PLAA: variants seen among roughly 807,000 people sequenced by gnomAD.
PLAA encodes phospholipase A2 activating protein, also known as phospholipase A-2-activating protein.
In PLAA, 48 loss-of-function variants were observed where a neutral mutation model predicts 84.1. That is an observed-to-expected ratio of 0.57 (90% CI 0.45 to 0.73). PLAA has a LOEUF of 0.73. Ranked by LOEUF, PLAA falls within the 30% of genes least tolerant of loss-of-function variation. The probability of loss-of-function intolerance (pLI) is 0.00; values close to 1 mark genes in which losing one functional copy is unlikely to be tolerated. For synonymous variants in PLAA, 392 were observed against 336.6 expected, an observed-to-expected ratio of 1.16 and a Z score of -1.80; for missense variants, 903 against 954.7, an observed-to-expected ratio of 0.95 and a Z score of 0.71.
rs1188965225 is a variant in PLAA, at chr9:26,905,898, A to G, written c.2001T>C (p.Phe667=). The G allele has an allele frequency of 6.2e-7, 1 of 1,614,096 alleles. No homozygotes were observed. The highest frequency in any genetic ancestry group is 8.5e-7 in the Non-Finnish European group (1 of 1,180,054). The stretch of plus-strand genomic sequence containing the variant: ...TGAGTTTTTGTCCTGCCTGGCCAAC[A>G]AAACAATTGCAAAAAGTCCTGAGAG... The part of the protein sequence containing the change: ...LLALRTFCNC[F]VGQAGQKLMM... Residue 667 remains phenylalanine, a synonymous_variant, in exon 14 of 14, where the codon TTT becomes TTC. Coordinates refer to ENST00000397292, the MANE Select transcript of PLAA (RefSeq NM_001031689.3).
intron 1 of PLAA, among the ~76,000 whole-genome samples, chr9:26,935,860 T>C (rs1825342366): frequency 6.6e-6 from 1 of 150,492 alleles, no homozygotes; most frequent in African/African-American, 2.4e-5. Context: ...TATTATATAA[T>C]ATATAATGTT....
Position 26,947,072 on chromosome 9 carries a change from C to A in PLAA, c.-27G>T. 2 of 1,547,818 alleles carry A rather than the reference C, an allele frequency of 1.3e-6. No homozygotes were observed. Among genetic ancestry groups the A allele is most frequent in the Non-Finnish European group, 1.7e-6 (2 of 1,147,762 alleles). ...GCCAGTGTCTGTCTGGCGCCCGGTG[C>A]CCAGGCACTGTGCGAGACCAGTCCG... On this transcript the variant is annotated 5_prime_UTR_variant, in exon 1 of 14. Coordinates refer to ENST00000397292, the MANE Select transcript of PLAA (RefSeq NM_001031689.3).
intron 10 of PLAA, 116 bp from the exon 11 acceptor site, chr9:26,914,063 TAATA>T (rs1029917203): frequency 7.2e-5 from 50 of 690,330 alleles, no homozygotes; most frequent in Admixed American, 2.2e-4. Context: ...ATTATATACA[TAATA>T]AATATGCCAC....
chr9:26,928,430 A>G, intron 2 of PLAA, 22 bp from the exon 3 acceptor site: 1 of 1,441,464 alleles, frequency 6.9e-7, no homozygotes, highest in Non-Finnish European at 9.8e-7. Context: ...ACATCATTGG[A>G]TAACACATTT....
At position 26,947,057 on chromosome 9, in the gene PLAA, G is replaced by C; in HGVS notation, c.-12C>G. On this transcript the variant is annotated 5_prime_UTR_variant, in exon 1 of 14. Transcript: ENST00000397292. ...GCGCCGCTCGTCATGGCCAGTGTCT[G>C]TCTGGCGCCCGGTGCCCAGGCACTG... is the stretch of plus-strand genomic sequence containing the variant. The C allele has an allele frequency of 6.4e-7, 1 of 1,566,756 alleles. No homozygotes were observed. The highest frequency in any genetic ancestry group is 8.6e-7 in the Non-Finnish European group (1 of 1,157,064).
In PLAA at chr9:26,905,905, T is replaced by C. The variant is rs1223597374; in HGVS notation, c.1994A>G (p.Asn665Ser). Reference sequence around the variant, plus strand: ...TTGTCCTGCCTGGCCAACAAAACAATTGCAAAAAGTCCTGAGAGCAAGCAG... The same window carrying C: ...TTGTCCTGCCTGGCCAACAAAACAACTGCAAAAAGTCCTGAGAGCAAGCAG... ...NQLLALRTFC[N>S]CFVGQAGQKL... The change falls in exon 14 of 14, where the codon AAT becomes AGT. Residue 665 changes from asparagine (N) to serine (S), a missense_variant. Coordinates refer to ENST00000397292, the MANE Select transcript of PLAA (RefSeq NM_001031689.3). 3 of 1,614,060 alleles carry C rather than the reference T, an allele frequency of 1.9e-6. No homozygotes were observed. In the African/African-American group the frequency reaches 4.0e-5, roughly 22 times the overall value.
chr9:26,916,672 A>G (rs1824572863), intron 10 of PLAA: 1 of 993,594 alleles, frequency 1.0e-6, no homozygotes. Context: ...GATAGCACTC[A>G]TGCTGTGTCT....
At chr9:26,924,406 T>C (rs1824876126) in intron 6 of PLAA, among the ~76,000 whole-genome samples, 1 of 152,140 alleles carries the variant, frequency 6.6e-6, no homozygotes, top group Admixed American at 6.5e-5. Flanking sequence ...AGTGCTGGGA[T>C]TACAAGTGTG....
At chr9:26,931,119 AGGTTTCCAAT>A (rs1279530614) in intron 2 of PLAA, among the ~76,000 whole-genome samples, 6 of 151,032 alleles carry the variant, frequency 4.0e-5, no homozygotes, top group African/African-American at 1.5e-4. Context: ...CAATTTAAAG[AGGTTTCCAAT>A]GGCCAGATAT....
At chr9:26,934,454 CT>C (rs1462422891) in intron 2 of PLAA, among the ~76,000 whole-genome samples, 2 of 140,590 alleles carry the variant, frequency 1.4e-5, no homozygotes, top group Non-Finnish European at 3.1e-5. Flanking sequence ...TATATAGCCT[CT>C]TTTATTACTG....
At chr9:26,917,591 A>ATTCATGTG in intron 9 of PLAA, among the ~76,000 whole-genome samples, 1 of 152,192 alleles carries the variant, frequency 6.6e-6, no homozygotes, top group East Asian at 1.9e-4. Context: ...AGGTTCATTA[A>ATTCATGTG]TTCATGTGTC....
chr9:26,920,051 T>C (rs1264566916), intron 8 of PLAA, among the ~76,000 whole-genome samples, 176 bp downstream of exon 8: 1 of 152,012 alleles, frequency 6.6e-6, no homozygotes, highest in Non-Finnish European at 1.5e-5. Context: ...TCTCACTACA[T>C]GGAAAGATAC....
chr9:26,913,992 T>G (rs1213152145), intron 10 of PLAA, 45 bp from the exon 11 acceptor site: 8 of 1,378,178 alleles, frequency 5.8e-6, no homozygotes, highest in Non-Finnish European at 8.2e-6. Context: ...GACTGTAAAT[T>G]ATAAAGTTCA....
Position 26,919,498 on chromosome 9 carries a change from T to C in PLAA, c.1229A>G (p.Asn410Ser), listed in dbSNP as rs1381447481. ...EFDYVFSIDV[N>S]EGGPSYKLPY... ...CAATTTATATGATGGTCCACCTTCA[T>C]TGACATCAATTGAGAAAACATAATC... is the stretch of plus-strand genomic sequence containing the variant. The change falls in exon 9 of 14, where the codon AAT (asparagine) becomes AGT (serine). Residue 410 changes from asparagine (N) to serine (S), a missense_variant. By Grantham distance (46) the Asn-to-Ser change is conservative. Coordinates refer to ENST00000397292, the MANE Select transcript of PLAA (RefSeq NM_001031689.3). 1.8e-5 allele frequency: 29 copies of C among 1,604,238 alleles called. No homozygotes were observed. The highest frequency in any genetic ancestry group is 2.2e-5 in the Non-Finnish European group (26 of 1,172,390).
chr9:26,928,592 G>A (rs1825058429), intron 2 of PLAA, among the ~76,000 whole-genome samples, 184 bp from the exon 3 acceptor site: 1 of 152,226 alleles, frequency 6.6e-6, no homozygotes, highest in Non-Finnish European at 1.5e-5. Context: ...GTGCCAGACT[G>A]CCTGGGCGCA....
At chr9:26,945,151 A>G (rs1825650414) in intron 1 of PLAA, among the ~76,000 whole-genome samples, 1 of 152,192 alleles carries the variant, frequency 6.6e-6, no homozygotes, top group South Asian at 2.1e-4. Flanking sequence ...CAATAGTTCA[A>G]TGAACAACAA....
At chr9:26,941,212 A>C (rs1563921278) in intron 1 of PLAA, among the ~76,000 whole-genome samples, 1 of 151,934 alleles carries the variant, frequency 6.6e-6, no homozygotes, top group Admixed American at 6.6e-5. Flanking sequence ...GCAGCTAGAC[A>C]ACCCAGCCAG....
At chr9:26,935,589 T>C (rs919651171) in intron 1 of PLAA, among the ~76,000 whole-genome samples, 23 of 152,250 alleles carry the variant, frequency 1.5e-4, no homozygotes, top group African/African-American at 5.1e-4. Flanking sequence ...ATGAAATTTA[T>C]TATTAAGAAG....
chr9:26,909,493 C>T (rs1416792257), intron 12 of PLAA, among the ~76,000 whole-genome samples: 4 of 152,134 alleles, frequency 2.6e-5, no homozygotes, highest in Admixed American at 6.5e-5. Context: ...TCATCATAAT[C>T]TTTGTGGCAA....
Sources: allele counts gnomAD v4.1 joint callset (sites outside exome capture counted in the v4.1 genomes callset), GRCh38; gene constraint gnomAD v4.1.1; transcripts MANE v1.5; gene names NCBI Gene and HGNC (gene_info 2026-07-23, HGNC 2026-07-21).